GFRA2: variants seen among roughly 807,000 people sequenced by gnomAD.
GFRA2 encodes GDNF family receptor alpha 2, also known as GDNF family receptor alpha-2.
Under a neutral mutation model 48.3 loss-of-function variants are expected in GFRA2, and 17 were observed. That is an observed-to-expected ratio of 0.35 (90% confidence interval 0.24 to 0.53). The LOEUF is 0.53. Ranked by LOEUF, GFRA2 falls within the 20% of genes least tolerant of loss-of-function variation. The pLI, the probability that GFRA2 is intolerant of heterozygous loss-of-function variation, is 0.93. For missense variants in GFRA2, 660 were observed against 637.3 expected (o/e 1.04, Z -0.38); for synonymous variants, 305 against 257.2 (o/e 1.19, Z -1.78).
At chr8:21,761,238 T>G (rs1047699278) in intron 3 of GFRA2, among the ~76,000 whole-genome samples, 1 of 152,180 alleles carries the variant, frequency 6.6e-6, no homozygotes, top group Non-Finnish European at 1.5e-5. Context: ...CAAGATCCAT[T>G]TATTTTTTGC....
At chr8:21,763,573 C>T (rs1806011565) in intron 3 of GFRA2, among the ~76,000 whole-genome samples, 2 of 152,168 alleles carry the variant, frequency 1.3e-5, no homozygotes, top group African/African-American at 4.8e-5. Flanking sequence ...TAGCTCCCCA[C>T]TGCCGTAGTC....
At chr8:21,729,499 C>T (rs994378449) in intron 4 of GFRA2, among the ~76,000 whole-genome samples, 1 of 152,038 alleles carries the variant, frequency 6.6e-6, no homozygotes, top group Non-Finnish European at 1.5e-5. Context: ...CTGGGAGACG[C>T]CCCCCTGCCC....
upstream of GFRA2, among the ~76,000 whole-genome samples, chr8:21,792,263 T>C (rs1044725886): frequency 2.4e-4 from 36 of 152,272 alleles, 1 homozygote; most frequent in Admixed American, 3.9e-4. Context: ...GCCACACTGC[T>C]CACTGACCAC....
At chr8:21,775,368 G>A (rs930001804) in intron 2 of GFRA2, among the ~76,000 whole-genome samples, 1 of 152,226 alleles carries the variant, frequency 6.6e-6, no homozygotes, top group Admixed American at 6.5e-5. Context: ...GGACTTGCAG[G>A]TGCATCTGGG....
At chr8:21,732,308 A>G (rs1382243364) in intron 4 of GFRA2, among the ~76,000 whole-genome samples, 5 of 152,208 alleles carry the variant, frequency 3.3e-5, no homozygotes, top group African/African-American at 1.2e-4. Context: ...AGGCCTTAAG[A>G]AGGAAGGTCA....
At chr8:21,804,632 T>G (rs974229400) in intron 2 of GFRA2, among the ~76,000 whole-genome samples, 2 of 152,134 alleles carry the variant, frequency 1.3e-5, no homozygotes, top group Non-Finnish European at 2.9e-5. Context: ...CCCCACGCTC[T>G]GTTTGGCAGC....
intron 4 of GFRA2, among the ~76,000 whole-genome samples, chr8:21,745,643 G>T (rs1006165899): frequency 3.9e-5 from 6 of 152,186 alleles, no homozygotes; most frequent in Non-Finnish European, 8.8e-5. Context: ...AGGCACAGTC[G>T]AGAGCCATGA....
At chr8:21,698,448 C>T (rs1802316622) in intron 7 of GFRA2, among the ~76,000 whole-genome samples, 1 of 152,212 alleles carries the variant, frequency 6.6e-6, no homozygotes, top group Non-Finnish European at 1.5e-5. Context: ...TGCCCACCTC[C>T]TGCCTACCCC....
intron 3 of GFRA2, among the ~76,000 whole-genome samples, chr8:21,770,969 G>C (rs1396474674): frequency 2.0e-5 from 3 of 152,130 alleles, no homozygotes; most frequent in African/African-American, 7.2e-5. Flanking sequence ...CTGGGGATGA[G>C]GAGGATGCTC....
At position 21,706,275 on chromosome 8, in the gene GFRA2, A is replaced by C. The variant is rs370418812; in HGVS notation, c.795-234T>G. On this transcript the variant is annotated intron_variant, in intron 4 of 8. Coordinates refer to ENST00000524240, the MANE Select transcript of GFRA2 (RefSeq NM_001495.5). ...AGGCACATAGTGCGGCTTAAGAAAA[A>C]CCCAGTCATTGGCTGACAAAAAGGA... 1.9e-4 allele frequency: 125 copies of C among 646,236 alleles called. No individual in the cohort carries two copies. The African/African-American group carries it at 2.0e-3, about 10-fold the overall frequency. 40.0% of individuals were successfully genotyped at this position (646,236 alleles called of 1,614,324 possible).
intron 4 of GFRA2, among the ~76,000 whole-genome samples, chr8:21,748,564 C>T (rs1460212032): frequency 6.6e-6 from 1 of 152,186 alleles, no homozygotes; most frequent in Non-Finnish European, 1.5e-5. Flanking sequence ...TAGTCTGGAG[C>T]ACTCAATAAT....
At chr8:21,769,260 C>T (rs1806329723) in intron 3 of GFRA2, 1 of 600,708 alleles carries the variant, frequency 1.7e-6, no homozygotes, top group African/African-American at 2.1e-5. Flanking sequence ...CCAGCCCCGC[C>T]CCTGCCCTGC....
chr8:21,765,731 C>T (rs1025171348), intron 3 of GFRA2, among the ~76,000 whole-genome samples: 3 of 152,126 alleles, frequency 2.0e-5, no homozygotes, highest in Non-Finnish European at 2.9e-5. Flanking sequence ...CCTAAAATGG[C>T]CAATACAGAA....
At chr8:21,693,515 CT>C (rs1801976516) in intron 8 of GFRA2, 115 bp from the exon 9 acceptor site, 2 of 935,026 alleles carry the variant, frequency 2.1e-6, no homozygotes, top group Admixed American at 2.7e-5. Flanking sequence ...CCTCAAGCCC[CT>C]GTCCTCTCTT....
intron 2 of GFRA2, among the ~76,000 whole-genome samples, chr8:21,803,866 C>A (rs1807812784): frequency 6.6e-6 from 1 of 152,138 alleles, no homozygotes; most frequent in Non-Finnish European, 1.5e-5. Context: ...CTCCCAGCGA[C>A]CCAAAGCACT....
intron 3 of GFRA2, among the ~76,000 whole-genome samples, chr8:21,760,434 C>T (rs540049138): frequency 1.5e-4 from 23 of 152,172 alleles, no homozygotes; most frequent in Non-Finnish European, 5.9e-5. Context: ...CCAAGGATTG[C>T]TTGCATTTTG....
intron 2 of GFRA2, among the ~76,000 whole-genome samples, chr8:21,778,574 T>G (rs1806823920): frequency 6.6e-6 from 1 of 152,192 alleles, no homozygotes; most frequent in South Asian, 2.1e-4. Flanking sequence ...GTTGAATAAA[T>G]GAATGAATAA....
At chr8:21,743,760 C>T (rs772416700) in intron 4 of GFRA2, among the ~76,000 whole-genome samples, 26 of 152,310 alleles carry the variant, frequency 1.7e-4, no homozygotes, top group African/African-American at 6.3e-4. Flanking sequence ...TGGCAGGCAT[C>T]GCTAATCAAT....
chr8:21,746,935 T>C (rs1438451284), intron 4 of GFRA2, among the ~76,000 whole-genome samples: 1 of 152,176 alleles, frequency 6.6e-6, no homozygotes, highest in Non-Finnish European at 1.5e-5. Context: ...GTCCACTCCA[T>C]TGTCACATTA....
Sources: gnomAD v4.1 joint callset for allele counts (sites outside exome capture counted in the v4.1 genomes callset) on GRCh38, gnomAD v4.1.1 for gene constraint, MANE v1.5 for transcripts, NCBI Gene and HGNC (gene_info 2026-07-23, HGNC 2026-07-21) for gene names.